The following MTUS2 variants were observed in gnomAD, a reference collection of about 807,000 sequenced individuals.
The protein encoded by MTUS2 is microtubule associated scaffold protein 2.
In MTUS2, 40 loss-of-function variants were observed where a neutral mutation model predicts 114.1. The observed-to-expected ratio is 0.35, with a 90% CI of 0.27 to 0.46. The LOEUF is 0.46. Among genes scored for constraint, MTUS2 ranks in the 20% least tolerant of loss-of-function variants. The pLI is 1.00. For synonymous variants in MTUS2, 688 were observed against 672.0 expected, an observed-to-expected ratio of 1.02 and a Z score of -0.37; for missense variants, 1,679 against 1,705.4, an observed-to-expected ratio of 0.98 and a Z score of 0.27.
At chr13:29,197,196 T>C (rs192055768) in intron 5 of MTUS2, among the ~76,000 whole-genome samples, 4 of 152,298 alleles carry the variant, frequency 2.6e-5, no homozygotes, top group African/African-American at 9.6e-5. Context: ...GTTAGGTATT[T>C]GTCCTAATGA....
chr13:29,388,489 C>T (rs903712655), intron 8 of MTUS2, among the ~76,000 whole-genome samples: 8 of 151,124 alleles, frequency 5.3e-5, no homozygotes, highest in Middle Eastern at 3.2e-3. Flanking sequence ...TCTAGGGGCC[C>T]AAGTCTGGCC....
intron 3 of MTUS2, among the ~76,000 whole-genome samples, chr13:29,029,204 C>T (rs150699413): frequency 1.8e-4 from 27 of 152,268 alleles, no homozygotes; most frequent in African/African-American, 6.5e-4. Context: ...CCTCACATCT[C>T]TAGAGAGAGG....
chr13:29,440,731 G>A (rs1397749838), intron 9 of MTUS2, among the ~76,000 whole-genome samples: 2 of 151,786 alleles, frequency 1.3e-5, no homozygotes, highest in African/African-American at 2.4e-5. Context: ...CCTATTGCCC[G>A]CTATTCTCTT....
intron 2 of MTUS2, among the ~76,000 whole-genome samples, chr13:28,886,244 A>C (rs1315882781): frequency 3.3e-5 from 5 of 152,126 alleles, no homozygotes; most frequent in African/African-American, 1.2e-4. Context: ...TGAGCAGAGG[A>C]GTGCTGTCAT....
At chr13:28,917,362 A>G (rs1400482049) in intron 2 of MTUS2, among the ~76,000 whole-genome samples, 1 of 151,792 alleles carries the variant, frequency 6.6e-6, no homozygotes, top group Non-Finnish European at 1.5e-5. Flanking sequence ...TAAATGTTTG[A>G]TAGAAGTCAG....
chr13:29,500,520 C>G (rs1882816130), intron 14 of MTUS2, among the ~76,000 whole-genome samples: 2 of 152,134 alleles, frequency 1.3e-5, no homozygotes, highest in Admixed American at 6.5e-5. Flanking sequence ...GGATAATGTA[C>G]CCAGCTGCTC....
chr13:29,484,546 A>C (rs1881450777), intron 10 of MTUS2, among the ~76,000 whole-genome samples: 1 of 152,174 alleles, frequency 6.6e-6, no homozygotes, highest in Non-Finnish European at 1.5e-5. Flanking sequence ...GCAGACTGGG[A>C]GCTCTGGCAT....
At chr13:29,425,645 C>G (rs1876460928) in intron 8 of MTUS2, among the ~76,000 whole-genome samples, 1 of 152,170 alleles carries the variant, frequency 6.6e-6, no homozygotes, top group African/African-American at 2.4e-5. Context: ...GTATTTACCT[C>G]TATTTTTCAG....
chr13:29,061,674 C>T (rs776159906), intron 4 of MTUS2, among the ~76,000 whole-genome samples: 8 of 152,226 alleles, frequency 5.3e-5, no homozygotes, highest in Non-Finnish European at 1.2e-4. Context: ...GGCCAGGAAA[C>T]TTCCTCTAGG....
chr13:29,012,312 C>G (rs1005521528), intron 2 of MTUS2, among the ~76,000 whole-genome samples: 6 of 152,136 alleles, frequency 3.9e-5, no homozygotes, highest in African/African-American at 1.4e-4. Flanking sequence ...CGCCCACTCC[C>G]GGGAATCAGC....
At chr13:29,337,267 C>A (rs375773798) in intron 7 of MTUS2, among the ~76,000 whole-genome samples, 1 of 152,164 alleles carries the variant, frequency 6.6e-6, no homozygotes, top group African/African-American at 2.4e-5. Flanking sequence ...AACCCAGGCC[C>A]CTGGTGGTAT....
At chr13:28,904,734 C>T (rs566324605) in intron 2 of MTUS2, among the ~76,000 whole-genome samples, 81 of 152,084 alleles carry the variant, frequency 5.3e-4, no homozygotes, top group African/African-American at 1.5e-3. Context: ...CTTGGCAATG[C>T]GGGCTGTTTT....
chr13:29,248,608 A>G (rs1029265646), intron 5 of MTUS2, among the ~76,000 whole-genome samples: 4 of 151,878 alleles, frequency 2.6e-5, no homozygotes, highest in African/African-American at 7.3e-5. Flanking sequence ...TGCATTAGCT[A>G]TTTGCCCTGA....
rs1308351270 is a variant in MTUS2, at chr13:29,097,002, C to G, written c.2447-3771C>G. ...TTCCCTGACCTTTTGACCACTCTCT[C>G]ATGTAATTCAGCCTCTACAACATGG... is the stretch of plus-strand genomic sequence containing the variant. On this transcript the variant is annotated intron_variant, in intron 4 of 15. Coordinates refer to ENST00000612955, the MANE Select transcript of MTUS2 (RefSeq NM_001033602.4). 2.6e-5 allele frequency among the ~76,000 whole-genome samples: 4 copies of G among 152,128 alleles called. No individual in the cohort carries two copies. In the East Asian group the frequency reaches 7.7e-4, roughly 29 times the overall value.
At chr13:28,852,608 T>A (rs1415751279) in intron 2 of MTUS2, among the ~76,000 whole-genome samples, 4 of 152,130 alleles carry the variant, frequency 2.6e-5, no homozygotes, top group African/African-American at 9.7e-5. Context: ...CTCATGCCCA[T>A]AATCCCAGCA....
intron 5 of MTUS2, among the ~76,000 whole-genome samples, chr13:29,221,400 A>G (rs1895902577): frequency 6.6e-6 from 1 of 152,204 alleles, no homozygotes; most frequent in Admixed American, 6.5e-5. Context: ...TTATTCCCAG[A>G]CTTTTTTTGT....
intron 2 of MTUS2, among the ~76,000 whole-genome samples, chr13:28,851,339 C>T (rs756423480): frequency 5.3e-5 from 8 of 152,116 alleles, no homozygotes; most frequent in Admixed American, 3.9e-4. Flanking sequence ...GTCCATTGAC[C>T]GTGATGGAAT....
intron 2 of MTUS2, among the ~76,000 whole-genome samples, chr13:28,931,260 T>C (rs979235928): frequency 6.6e-5 from 10 of 152,122 alleles, no homozygotes; most frequent in African/African-American, 2.2e-4. Flanking sequence ...AAAATAGCAA[T>C]ACAATGATAA....
At chr13:29,398,806 A>G (rs1234847005) in intron 8 of MTUS2, among the ~76,000 whole-genome samples, 1 of 152,202 alleles carries the variant, frequency 6.6e-6, no homozygotes, top group Non-Finnish European at 1.5e-5. Flanking sequence ...TAGGGTCAGT[A>G]GAGACAACAA....
Sources: allele counts gnomAD v4.1 joint callset (sites outside exome capture counted in the v4.1 genomes callset), GRCh38; gene constraint gnomAD v4.1.1; transcripts MANE v1.5; gene names NCBI Gene and HGNC (gene_info 2026-07-23, HGNC 2026-07-21).